Variants in IQSEC1 observed in about 807,000 individuals in gnomAD.
IQSEC1 encodes the protein IQ motif and Sec7 domain ArfGEF 1.
A neutral mutation model predicts 91.0 loss-of-function variants in IQSEC1; 31 were observed. That is an observed-to-expected ratio of 0.34 (90% CI 0.26 to 0.46). IQSEC1 has a LOEUF of 0.46. Ranked by LOEUF, IQSEC1 falls within the 20% of genes least tolerant of loss-of-function variation. The probability of loss-of-function intolerance (pLI) is 1.00; values close to 1 mark genes in which losing one functional copy is unlikely to be tolerated. For missense variants in IQSEC1, 1,388 were observed against 1,575.6 expected, an observed-to-expected ratio of 0.88 and a Z score of 2.02; for synonymous variants, 699 against 662.6, an observed-to-expected ratio of 1.05 and a Z score of -0.84.
intron 2 of IQSEC1, among the ~76,000 whole-genome samples, chr3:13,098,208 G>A (rs1705996985): frequency 2.0e-5 from 3 of 152,232 alleles, no homozygotes; most frequent in Non-Finnish European, 2.9e-5. Context: ...GAGGCTGACG[G>A]CACAGCAGAG....
chr3:13,024,809 G>A (rs1165535255), intron 1 of IQSEC1, among the ~76,000 whole-genome samples: 3 of 152,120 alleles, frequency 2.0e-5, no homozygotes, highest in African/African-American at 7.2e-5. Context: ...TGCCATCCTC[G>A]GGGGCTCATC....
rs897620521 is a variant in IQSEC1 at position 12,967,914 on chromosome 3, C to A, written c.24-26049G>T. Among the ~76,000 whole-genome samples, 178 of 51,136 alleles carry A rather than the reference C, an allele frequency of 3.5e-3. 1 individual carries two copies. The highest frequency in any genetic ancestry group is 0.014 in the African/African-American group (168 of 12,376). The allele number at this position is 51,136 out of a possible 152,430, so 33.5% of individuals were successfully genotyped here. A position where few individuals can be genotyped will look rare whatever the true frequency, so the allele number is the denominator to read the frequency against. Reference sequence around the variant, plus strand: ...GGGCGGGGGGTCAGGGGCGGGGCGTCAGGGGCGGGGCTACGCGCAGGGGCG... The same window carrying A: ...GGGCGGGGGGTCAGGGGCGGGGCGTAAGGGGCGGGGCTACGCGCAGGGGCG... On this transcript the variant is annotated intron_variant, in intron 1 of 13. Transcript: ENST00000613206. The surrounding 1 kb of genome is among the most constrained non-coding windows in gnomAD (Gnocchi z 5.9).
At chr3:13,217,296 A>G (rs562069080) in intron 1 of IQSEC1, among the ~76,000 whole-genome samples, 3 of 152,332 alleles carry the variant, frequency 2.0e-5, no homozygotes, top group African/African-American at 7.2e-5. Flanking sequence ...AGCCCCCAGC[A>G]ATCACTAATC....
At chr3:12,954,656 T>G (rs1163981486) in intron 1 of IQSEC1, among the ~76,000 whole-genome samples, 2 of 152,232 alleles carry the variant, frequency 1.3e-5, no homozygotes, top group Non-Finnish European at 2.9e-5. Context: ...GTCTCTCCCC[T>G]TGAGGAGGTC....
intron 1 of IQSEC1, among the ~76,000 whole-genome samples, chr3:13,066,341 T>C (rs1576230269): frequency 6.6e-6 from 1 of 152,248 alleles, no homozygotes. Context: ...TCAGGGATGC[T>C]AGAAAGCAAA....
intron 1 of IQSEC1, among the ~76,000 whole-genome samples, chr3:13,280,458 T>C (rs1274446045): frequency 6.6e-6 from 1 of 152,198 alleles, no homozygotes; most frequent in Non-Finnish European, 1.5e-5. Flanking sequence ...GAGCAGGCCA[T>C]GTGATGCCCC....
At chr3:12,964,299 TAC>T (rs3072719) in intron 1 of IQSEC1, among the ~76,000 whole-genome samples, 2,342 of 149,838 alleles carry the variant, frequency 0.016, 44 homozygotes, top group East Asian at 0.039. Flanking sequence ...ATACTCCCCC[TAC>T]ACACACACAC....
intron 1 of IQSEC1, among the ~76,000 whole-genome samples, chr3:13,026,926 GGTTA>G (rs1703643563): frequency 6.8e-6 from 1 of 147,260 alleles, no homozygotes; most frequent in Admixed American, 6.8e-5. Context: ...CAGATGCTGA[GGTTA>G]GTTACTCAGG....
intron 2 of IQSEC1, among the ~76,000 whole-genome samples, chr3:13,078,667 TC>T (rs145786824): frequency 0.11 from 16,058 of 152,140 alleles, 946 homozygotes; most frequent in East Asian, 0.25. Flanking sequence ...CCAGGGCCCA[TC>T]CAGCTGCGTG....
rs771570751 is a variant in IQSEC1 at position 12,936,385 on chromosome 3, A to G, written c.631T>C (p.Ser211Pro). The change falls in exon 3 of 14, where the codon TCT (serine) becomes CCT (proline). Residue 211 changes from serine (S) to proline (P), a missense_variant. Coordinates refer to ENST00000613206, the MANE Select transcript of IQSEC1 (RefSeq NM_001134382.3). ...GDLSEPTTLK[S>P]PAPSSDFADA... ...GCAAAGTCACTGGAGGGGGCCGGAG[A>G]CTTGAGGGTGGTGGGCTCGCTGAGG... 1 of 1,596,128 alleles carries G rather than the reference A, an allele frequency of 6.3e-7. No individual in the cohort carries two copies. The highest frequency in any genetic ancestry group is 1.1e-5 in the South Asian group (1 of 89,222).
At chr3:12,981,640 A>G (rs1039176021) in intron 1 of IQSEC1, among the ~76,000 whole-genome samples, 1 of 152,254 alleles carries the variant, frequency 6.6e-6, no homozygotes, top group African/African-American at 2.4e-5. Context: ...AAAAATTACC[A>G]TTAAAATTAT....
chr3:13,252,110 A>T (rs777709164), intron 1 of IQSEC1, among the ~76,000 whole-genome samples: 1 of 152,190 alleles, frequency 6.6e-6, no homozygotes, highest in Non-Finnish European at 1.5e-5. Context: ...GTACATTCAT[A>T]GTGCTGTGCA....
At chr3:13,088,583 T>A (rs1031928460) in intron 2 of IQSEC1, among the ~76,000 whole-genome samples, 1 of 151,962 alleles carries the variant, frequency 6.6e-6, no homozygotes, top group African/African-American at 2.4e-5. Flanking sequence ...GCCAGACCAA[T>A]CCTTTGGCTG....
At chr3:13,145,112 T>C (rs896233813) in intron 2 of IQSEC1, among the ~76,000 whole-genome samples, 4 of 152,204 alleles carry the variant, frequency 2.6e-5, no homozygotes, top group Admixed American at 2.6e-4. Context: ...AGCCCCCCCA[T>C]CTGCTGAGGA....
chr3:13,272,254 C>G (rs910395328), intron 1 of IQSEC1, among the ~76,000 whole-genome samples: 4 of 152,192 alleles, frequency 2.6e-5, no homozygotes, highest in Non-Finnish European at 4.4e-5. Context: ...TAATAATGCT[C>G]CCCACTTCAC....
intron 1 of IQSEC1, among the ~76,000 whole-genome samples, chr3:13,273,292 G>A (rs915920921): frequency 1.1e-4 from 17 of 152,194 alleles, no homozygotes; most frequent in African/African-American, 4.1e-4. Flanking sequence ...GTCCTGGCCA[G>A]CCCAAGGGAA....
chr3:13,186,585 G>A (rs1430985551), intron 1 of IQSEC1, among the ~76,000 whole-genome samples: 1 of 152,216 alleles, frequency 6.6e-6, no homozygotes, highest in African/African-American at 2.4e-5. Flanking sequence ...ACCGCCTACA[G>A]CTGCCTGAAA....
intron 1 of IQSEC1, among the ~76,000 whole-genome samples, chr3:13,020,905 G>A (rs559957719): frequency 6.6e-6 from 1 of 152,026 alleles, no homozygotes; most frequent in South Asian, 2.1e-4. Flanking sequence ...TGGGAAGGAA[G>A]GAAGAAAGGA....
rs148835218 is a variant in IQSEC1, at chr3:12,985,819, T to C, written c.24-43954A>G. ...GTCTTCACTGCATATTCTTTTATAA[T>C]GTTTAAGATTTTCATCATGGGCCTG... On this transcript the variant is annotated intron_variant, in intron 1 of 13. Transcript: ENST00000613206. 1.1e-3 allele frequency among the ~76,000 whole-genome samples: 175 copies of C among 152,362 alleles called. 1 individual carries two copies. Among genetic ancestry groups the C allele is most frequent in the African/African-American group, 4.0e-3 (167 of 41,586 alleles).
Sources: allele counts gnomAD v4.1 joint callset (sites outside exome capture counted in the v4.1 genomes callset), GRCh38; gene constraint gnomAD v4.1.1; non-coding constraint Gnocchi (gnomAD v3.1); transcripts MANE v1.5; gene names NCBI Gene and HGNC (gene_info 2026-07-23, HGNC 2026-07-21).